Variants in NELFA observed in about 807,000 individuals in gnomAD.
NELFA encodes negative elongation factor complex member A.
Under a neutral mutation model 51.8 loss-of-function variants are expected in NELFA, and 35 were observed. The ratio of observed to expected loss-of-function variants is 0.68; its 90% CI spans 0.52 to 0.90. The LOEUF (loss-of-function observed/expected upper bound fraction) is 0.90, where lower values mean the gene tolerates loss of function less well. Among genes scored for constraint, NELFA ranks in the 40% least tolerant of loss-of-function variants. NELFA has a pLI of 0.00. For synonymous variants in NELFA, 417 were observed against 338.4 expected, an observed-to-expected ratio of 1.23 and a Z score of -2.55; for missense variants, 658 against 746.4, an observed-to-expected ratio of 0.88 and a Z score of 1.38.
At chr4:1,993,924 C>T (rs906142484) in intron 1 of NELFA, among the ~76,000 whole-genome samples, 1 of 152,040 alleles carries the variant, frequency 6.6e-6, no homozygotes, top group Non-Finnish European at 1.5e-5. Context: ...CCTCATGCTC[C>T]CACAGTGCTG....
intron 3 of NELFA, 126 bp from the exon 4 acceptor site, chr4:1,988,133 G>A: frequency 3.9e-6 from 3 of 763,782 alleles, no homozygotes; most frequent in Middle Eastern, 2.4e-4. Flanking sequence ...CTCTCTAAAT[G>A]AGCAGCTGTT....
In NELFA at chr4:2,008,966, G is replaced by T; in HGVS notation, c.-7C>A. 6.4e-7 allele frequency: 1 copy of T among 1,553,612 alleles called. No individual in the cohort carries two copies. Among genetic ancestry groups the T allele is most frequent in the Non-Finnish European group, 8.7e-7 (1 of 1,148,240 alleles). ...TCTCCCGCATGGACGCCATCTTGGGGGAAAGCGCGCGCCGCTGCCCCGGCA... is the reference window on the plus strand; with the variant it reads ...TCTCCCGCATGGACGCCATCTTGGGTGAAAGCGCGCGCCGCTGCCCCGGCA... On this transcript the variant is annotated 5_prime_UTR_variant, in exon 1 of 11. Coordinates refer to ENST00000382882, the MANE Select transcript of NELFA (RefSeq NM_005663.5).
intron 1 of NELFA, among the ~76,000 whole-genome samples, chr4:2,000,587 C>G (rs536133983): frequency 1.3e-5 from 2 of 152,218 alleles, no homozygotes; most frequent in East Asian, 1.9e-4. Flanking sequence ...TACACCCTCC[C>G]AAGACTAAAC....
intron 1 of NELFA, among the ~76,000 whole-genome samples, chr4:2,005,540 A>G (rs978480158): frequency 6.6e-6 from 1 of 152,092 alleles, no homozygotes; most frequent in Non-Finnish European, 1.5e-5. Context: ...AAAAATACAA[A>G]AATTAGCCAG....
At chr4:2,002,327 A>G (rs901869576) in intron 1 of NELFA, among the ~76,000 whole-genome samples, 2 of 152,250 alleles carry the variant, frequency 1.3e-5, no homozygotes, top group Admixed American at 1.3e-4. Context: ...TACAGATTCA[A>G]TGCTATTCCC....
Position 2,005,734 on chromosome 4 carries a change from C to T in NELFA, c.210+3016G>A, listed in dbSNP as rs148602991. On this transcript the variant is annotated intron_variant, in intron 1 of 10. Coordinates refer to ENST00000382882, the MANE Select transcript of NELFA (RefSeq NM_005663.5). ...ACAAACAAACAAAAACAAAAATCAA[C>T]GCATTTCTATATACCAGCAACAAGT... Among the ~76,000 whole-genome samples, 43 of 152,146 alleles carry T rather than the reference C, an allele frequency of 2.8e-4. No individual in the cohort carries two copies. In the East Asian group the frequency reaches 6.6e-3, roughly 23 times the overall value.
At chr4:1,983,823 G>A (rs775267760) in intron 9 of NELFA, 25 bp downstream of exon 9, 1 of 1,570,640 alleles carries the variant, frequency 6.4e-7, no homozygotes, top group South Asian at 1.2e-5. Context: ...CTGGTGGCCT[G>A]TGGGCCCTAC....
At position 1,987,910 on chromosome 4, in the gene NELFA, G is replaced by T; in HGVS notation, c.634+8C>A. 1.3e-6 allele frequency: 2 copies of T among 1,598,914 alleles called. No homozygotes were observed. The highest frequency in any genetic ancestry group is 1.1e-5 in the South Asian group (1 of 87,790). ...GCAAGGCTCACGGCACCAGGGTGGG[G>T]GCCTTACTGGTGGTGTCCATCTTCC... On this transcript the variant is annotated splice_region_variant and intron_variant, in intron 4 of 10. Transcript: ENST00000382882.
intron 6 of NELFA, 122 bp from the exon 7 acceptor site, chr4:1,985,986 G>T (rs558317232): frequency 1.5e-6 from 2 of 1,341,538 alleles, no homozygotes; most frequent in African/African-American, 1.5e-5. Context: ...AGAAAAGCAG[G>T]CACCCACCCA....
intron 1 of NELFA, chr4:2,008,151 G>A: frequency 2.4e-6 from 1 of 422,008 alleles, no homozygotes; most frequent in South Asian, 1.7e-5. Flanking sequence ...CCCCGCCCTC[G>A]CCCAGGTCAC....
intron 1 of NELFA, among the ~76,000 whole-genome samples, chr4:1,996,845 T>C (rs1280182136): frequency 6.6e-6 from 1 of 152,154 alleles, no homozygotes; most frequent in African/African-American, 2.4e-5. Flanking sequence ...GGCACGATAA[T>C]CACTTGAGTC....
chr4:1,984,122 A>T lies in NELFA; in HGVS notation c.1037-9T>A. ...TTCCCGGGAAGATGGGGCTGCAAGTAGACCGGGGCCTGGTGAGGGGGCTGG... is the reference window on the plus strand; with the variant it reads ...TTCCCGGGAAGATGGGGCTGCAAGTTGACCGGGGCCTGGTGAGGGGGCTGG... On this transcript the variant is annotated splice_polypyrimidine_tract_variant and intron_variant, in intron 8 of 10. Transcript: ENST00000382882. 6.5e-7 allele frequency: 1 copy of T among 1,544,266 alleles called. No individual in the cohort carries two copies. Among genetic ancestry groups the T allele is most frequent in the Non-Finnish European group, 8.7e-7 (1 of 1,152,782 alleles).
At position 2,008,798 on chromosome 4, in the gene NELFA, G is replaced by C. The variant is rs1277993921; in HGVS notation, c.162C>G (p.Leu54=). ...CFHGLSSAVK[L]KLLLGTLHLP... ...GGTGCAGCGTCCCGAGTAGCAACTT[G>C]AGCTTCACTGCCGACGAGAGGCCAT... Residue 54 remains leucine, a synonymous_variant, in exon 1 of 11, where the codon CTC becomes CTG. Transcript: ENST00000382882. The C allele has an allele frequency of 1.2e-6, 2 of 1,612,838 alleles. No individual in the cohort carries two copies. Among genetic ancestry groups the C allele is most frequent in the Non-Finnish European group, 1.7e-6 (2 of 1,179,624 alleles).
intron 1 of NELFA, chr4:1,992,359 G>A (rs1728297121): frequency 1.7e-5 from 5 of 289,082 alleles, no homozygotes; most frequent in Non-Finnish European, 3.5e-5. Flanking sequence ...GGCCATGGGC[G>A]ACGTGCGTGG....
rs201155907 is a variant in NELFA, at chr4:1,985,805, C to G, written c.895G>C (p.Asp299His). The G allele has an allele frequency of 2.5e-6, 4 of 1,613,218 alleles. No individual in the cohort carries two copies. In the Admixed American group the frequency reaches 6.7e-5, roughly 27 times the overall value. ...GTGGACACCAGGCCGGCTGCGTAGT[C>G]CGGGGTGGCGTTCTCCACCACCGTT... ...EETVVENATP[D>H]YAAGLVSTQK... Residue 299 changes from aspartate (D) to histidine (H), a missense_variant, in exon 7 of 11, where the codon GAC (aspartate) becomes CAC (histidine). Physicochemically the swap from Asp to His is moderately conservative, Grantham distance 81. Coordinates refer to ENST00000382882, the MANE Select transcript of NELFA (RefSeq NM_005663.5).
chr4:1,986,526 G>A (rs767528052), intron 4 of NELFA, 124 bp from the exon 5 acceptor site: 21 of 1,467,946 alleles, frequency 1.4e-5, no homozygotes, highest in African/African-American at 8.4e-5. Context: ...AACCCCTGGC[G>A]GGCAGCGGGC....
At chr4:1,997,055 G>C (rs1728446086) in intron 1 of NELFA, among the ~76,000 whole-genome samples, 2 of 152,150 alleles carry the variant, frequency 1.3e-5, no homozygotes, top group Non-Finnish European at 2.9e-5. Context: ...TAAGGTTACA[G>C]TGAGTTATGA....
chr4:1,985,912 T>C, intron 6 of NELFA, 48 bp from the exon 7 acceptor site: 1 of 1,516,788 alleles, frequency 6.6e-7, no homozygotes, highest in Non-Finnish European at 9.0e-7. Context: ...GCGTCTGCAG[T>C]GTCAGCTCAG....
intron 5 of NELFA, 31 bp downstream of exon 5, chr4:1,986,241 G>A: frequency 1.3e-6 from 2 of 1,567,884 alleles, no homozygotes; most frequent in Non-Finnish European, 1.7e-6. Context: ...ACGGGCCCCG[G>A]GGTGCCACAG....
Sources: allele counts gnomAD v4.1 joint callset (sites outside exome capture counted in the v4.1 genomes callset), GRCh38; gene constraint gnomAD v4.1.1; transcripts MANE v1.5; gene names NCBI Gene and HGNC (gene_info 2026-07-23, HGNC 2026-07-21).